Variants in ZNF652 observed in about 807,000 individuals in gnomAD.
ZNF652 encodes zinc finger protein 652.
In ZNF652, 16 loss-of-function variants were observed where a neutral mutation model predicts 45.2. The ratio of observed to expected loss-of-function variants is 0.35; its 90% CI spans 0.24 to 0.54. The LOEUF is 0.54. Among genes scored for constraint, ZNF652 ranks in the 20% least tolerant of loss-of-function variants. The pLI is 0.91. For synonymous variants in ZNF652, 250 were observed against 260.6 expected (o/e 0.96, Z 0.39); for missense variants, 614 against 765.6 (o/e 0.80, Z 2.34).
chr17:49,355,001 C>A (rs181018457), intron 1 of ZNF652, among the ~76,000 whole-genome samples: 1 of 152,282 alleles, frequency 6.6e-6, no homozygotes, highest in African/African-American at 2.4e-5. Context: ...GCTGGGATTA[C>A]AGGCATGAGC....
intron 1 of ZNF652, among the ~76,000 whole-genome samples, chr17:49,344,318 T>C (rs1053861603): frequency 3.3e-5 from 5 of 151,884 alleles, no homozygotes; most frequent in Admixed American, 6.6e-5. Flanking sequence ...TGAGCTGTGA[T>C]TGCACCACTG....
chr17:49,362,407 G>A (rs2070412116), upstream of ZNF652: 1 of 151,688 alleles, frequency 6.6e-6, no homozygotes, highest in African/African-American at 2.4e-5. Flanking sequence ...GCCGGCCCGG[G>A]CGCACCTTTT....
At chr17:49,355,446 G>C (rs2070325526) in intron 1 of ZNF652, among the ~76,000 whole-genome samples, 1 of 151,952 alleles carries the variant, frequency 6.6e-6, no homozygotes, top group Non-Finnish European at 1.5e-5. Flanking sequence ...GCATGGTGGT[G>C]CGCACCTGCA....
intron 1 of ZNF652, among the ~76,000 whole-genome samples, chr17:49,344,147 G>A (rs4514717): frequency 0.43 from 64,546 of 151,496 alleles, 14,113 homozygotes; most frequent in East Asian, 0.48. Flanking sequence ...CTTGCAGTGA[G>A]CCGAGATCGT....
At chr17:49,342,000 A>C (rs1222776903) in intron 1 of ZNF652, among the ~76,000 whole-genome samples, 1 of 152,150 alleles carries the variant, frequency 6.6e-6, no homozygotes, top group African/African-American at 2.4e-5. Flanking sequence ...AGCCTGACCA[A>C]TATGGCGAAA....
chr17:49,360,835 T>C (rs551925295), intron 1 of ZNF652, among the ~76,000 whole-genome samples: 6 of 151,954 alleles, frequency 3.9e-5, no homozygotes, highest in African/African-American at 1.2e-4. Flanking sequence ...TACAACAAAA[T>C]AGGAGAAACT....
At chr17:49,343,792 T>C (rs1024141748) in intron 1 of ZNF652, among the ~76,000 whole-genome samples, 1 of 152,050 alleles carries the variant, frequency 6.6e-6, no homozygotes, top group Non-Finnish European at 1.5e-5. Flanking sequence ...CAGTGGCTCA[T>C]GCCTGTAATC....
chr17:49,299,847 C>CTTT (rs562495965), intron 5 of ZNF652, among the ~76,000 whole-genome samples: 2 of 135,436 alleles, frequency 1.5e-5, no homozygotes, highest in African/African-American at 2.7e-5. Context: ...GCCTGGCTAT[C>CTTT]TTTTTTTTTT....
intron 1 of ZNF652, among the ~76,000 whole-genome samples, chr17:49,326,599 C>T (rs907342639): frequency 6.6e-6 from 1 of 152,170 alleles, no homozygotes; most frequent in African/African-American, 2.4e-5. Context: ...GTGAACTACT[C>T]CTCAGGGGCA....
At chr17:49,355,375 A>G (rs1235734134) in intron 1 of ZNF652, among the ~76,000 whole-genome samples, 1 of 147,120 alleles carries the variant, frequency 6.8e-6, no homozygotes, top group Non-Finnish European at 1.5e-5. Context: ...ACTTGAGCCC[A>G]GCAGGAGTTT....
chr17:49,346,052 C>A (rs1333346533), intron 1 of ZNF652, among the ~76,000 whole-genome samples: 1 of 152,170 alleles, frequency 6.6e-6, no homozygotes, highest in Non-Finnish European at 1.5e-5. Flanking sequence ...GCCGCAGCCA[C>A]AACTACAAGT....
chr17:49,341,951 C>T (rs993075293), intron 1 of ZNF652, among the ~76,000 whole-genome samples: 10 of 152,098 alleles, frequency 6.6e-5, no homozygotes, highest in Admixed American at 5.9e-4. Flanking sequence ...TTTGGGAGGC[C>T]AAGGCAGGCA....
At chr17:49,302,923 T>C (rs1404955393) in intron 5 of ZNF652, among the ~76,000 whole-genome samples, 1 of 151,822 alleles carries the variant, frequency 6.6e-6, no homozygotes, top group African/African-American at 2.4e-5. Flanking sequence ...GATCGTGCCA[T>C]TGCACTCCAG....
At position 49,312,820 on chromosome 17, in the gene ZNF652, T is replaced by C. The variant is rs1373591054; in HGVS notation, c.926A>G (p.Lys309Arg). ...IQCVSCNKSFKKLWSLHEHIK... is the reference protein window; with the variant it reads ...IQCVSCNKSFRKLWSLHEHIK... Reference sequence around the variant, plus strand: ...ATGTTCATGAAGGGACCAGAGTTTCTTGAACGATTTGTTACAGGAAACACA... The same window carrying C: ...ATGTTCATGAAGGGACCAGAGTTTCCTGAACGATTTGTTACAGGAAACACA... Residue 309 changes from lysine to arginine, a missense_variant, in exon 3 of 6, where the codon AAG becomes AGG. Transcript: ENST00000430262. 1.2e-6 allele frequency: 2 copies of C among 1,613,994 alleles called. No individual in the cohort carries two copies. The highest frequency in any genetic ancestry group is 8.5e-7 in the Non-Finnish European group (1 of 1,179,932).
chr17:49,354,666 T>C (rs1187552942), intron 1 of ZNF652, among the ~76,000 whole-genome samples: 3 of 151,882 alleles, frequency 2.0e-5, no homozygotes, highest in African/African-American at 7.2e-5. Context: ...CTAAAACTTA[T>C]TCTAAAATCT....
rs951394948 is a variant in ZNF652 at position 49,351,957 on chromosome 17, C to T, written c.-259+9952G>A. On this transcript the variant is annotated intron_variant, in intron 1 of 5. Transcript: ENST00000430262. ...AGTTAGGATCACACCACTGTGATCA[C>T]ACCACTCCAGCCTGGGTGACAGCGC... 2.0e-4 allele frequency among the ~76,000 whole-genome samples: 30 copies of T among 152,226 alleles called. No homozygotes were observed. The East Asian group carries it at 3.1e-3, about 16-fold the overall frequency.
intron 1 of ZNF652, among the ~76,000 whole-genome samples, chr17:49,319,541 G>A (rs2960163): frequency 0.22 from 33,006 of 149,154 alleles, 3,799 homozygotes; most frequent in South Asian, 0.33. Context: ...ACGGAGGCAG[G>A]AGAATCGCTT....
At chr17:49,353,243 A>C (rs188746494) in intron 1 of ZNF652, among the ~76,000 whole-genome samples, 40 of 152,268 alleles carry the variant, frequency 2.6e-4, no homozygotes, top group Non-Finnish European at 4.3e-4. Flanking sequence ...ATGGAGTGGC[A>C]TGATTCTGGC....
At chr17:49,332,535 T>G (rs971317742) in intron 1 of ZNF652, among the ~76,000 whole-genome samples, 1 of 152,306 alleles carries the variant, frequency 6.6e-6, no homozygotes, top group Non-Finnish European at 1.5e-5. Context: ...TTACAAACAA[T>G]TTCAAGGGAT....
Sources: allele counts gnomAD v4.1 joint callset (sites outside exome capture counted in the v4.1 genomes callset), GRCh38; gene constraint gnomAD v4.1.1; transcripts MANE v1.5; gene names NCBI Gene and HGNC (gene_info 2026-07-23, HGNC 2026-07-21).